MORC1: variants seen among roughly 807,000 people sequenced by gnomAD.
MORC1 encodes the protein MORC family CW-type zinc finger protein 1.
In MORC1, 59 loss-of-function variants were observed where a neutral mutation model predicts 134.9. That is an observed-to-expected ratio of 0.44 (90% CI 0.35 to 0.54). The LOEUF (loss-of-function observed/expected upper bound fraction) is 0.54, where lower values mean the gene tolerates loss of function less well. Among genes scored for constraint, MORC1 ranks in the 20% least tolerant of loss-of-function variants. The probability of loss-of-function intolerance (pLI) is 0.00; values close to 1 mark genes in which losing one functional copy is unlikely to be tolerated. For missense variants in MORC1, 947 were observed against 1,134.5 expected, an observed-to-expected ratio of 0.83 and a Z score of 2.37; for synonymous variants, 395 against 391.7, an observed-to-expected ratio of 1.01 and a Z score of -0.10.
chr3:108,976,696 A>G (rs1189010477), intron 24 of MORC1, among the ~76,000 whole-genome samples: 1 of 152,204 alleles, frequency 6.6e-6, no homozygotes, highest in African/African-American at 2.4e-5. Context: ...TAATCACCAT[A>G]CAAAATTTAA....
chr3:109,094,803 C>A, intron 7 of MORC1, 106 bp downstream of exon 7: 1 of 1,086,018 alleles, frequency 9.2e-7, no homozygotes, highest in Admixed American at 4.0e-5. Flanking sequence ...TGTGAATCCA[C>A]ATGAGATTAT....
At chr3:109,103,777 A>C in intron 4 of MORC1, 72 bp downstream of exon 4, 1 of 1,365,772 alleles carries the variant, frequency 7.3e-7, no homozygotes. Flanking sequence ...TAGATAGCTC[A>C]ATTTATTTAT....
rs146211588 is a variant in MORC1, at chr3:109,073,770, T to C, written c.690-4013A>G. ...CTCTGAAGACTTTTTGAAGTTGAAA[T>C]TAACAGGGTTTGTATTATCTTGAAT... On this transcript the variant is annotated intron_variant, in intron 8 of 27. Coordinates refer to ENST00000232603, the MANE Select transcript of MORC1 (RefSeq NM_014429.4). Among the ~76,000 whole-genome samples the C allele has an allele frequency of 5.1e-3, 780 of 152,320 alleles. 18 individuals carry two copies. Among genetic ancestry groups the C allele is most frequent in the African/African-American group, 0.018 (748 of 41,562 alleles).
At chr3:109,095,188 C>A in intron 6 of MORC1, 120 bp from the exon 7 acceptor site, 1 of 886,574 alleles carries the variant, frequency 1.1e-6, no homozygotes, top group South Asian at 1.8e-5. Context: ...GTTAAAAGTT[C>A]ATTTTCCTCC....
chr3:109,038,661 G>T (rs941232654), intron 14 of MORC1, among the ~76,000 whole-genome samples: 13 of 152,160 alleles, frequency 8.5e-5, no homozygotes, highest in Admixed American at 8.5e-4. Context: ...CATATGGCTA[G>T]CCAGTTTTCC....
At chr3:109,062,158 T>C (rs1950098808) in intron 10 of MORC1, 100 bp from the exon 11 acceptor site, 2 of 1,015,792 alleles carry the variant, frequency 2.0e-6, no homozygotes, top group Admixed American at 3.7e-5. Flanking sequence ...GAAAAAGGCA[T>C]ACAGACCATG....
At chr3:108,984,346 T>C (rs1326920332) in intron 23 of MORC1, among the ~76,000 whole-genome samples, 1 of 152,148 alleles carries the variant, frequency 6.6e-6, no homozygotes, top group African/African-American at 2.4e-5. Context: ...TAATTACATG[T>C]ATGTATGACA....
Position 109,110,760 on chromosome 3 carries a change from T to A in MORC1, c.143A>T (p.Asp48Val), listed in dbSNP as rs1377748177. 1.3e-6 allele frequency: 2 copies of A among 1,587,056 alleles called. No individual in the cohort carries two copies. Among genetic ancestry groups the A allele is most frequent in the Non-Finnish European group, 1.7e-6 (2 of 1,173,376 alleles). The change falls in exon 3 of 28, where the codon GAT becomes GTT. Residue 48 changes from aspartate to valine, a missense_variant. Asp to Val is a radical substitution (Grantham distance 152, BLOSUM62 -3). Coordinates refer to ENST00000232603, the MANE Select transcript of MORC1 (RefSeq NM_014429.4). Reference protein sequence around the residue: ...NARDAGAERLDVFSVDNEKLQ... With the variant: ...NARDAGAERLVVFSVDNEKLQ... ...GCAAATCTGCTCACCTGAAAAGACA[T>A]CAAGTCTTTCAGCCCCTGCATCTCT...
chr3:109,076,694 G>A (rs1950429527), intron 8 of MORC1, among the ~76,000 whole-genome samples: 1 of 152,054 alleles, frequency 6.6e-6, no homozygotes. Flanking sequence ...GGATGAAGCT[G>A]GAAACCATCA....
chr3:109,016,074 T>C (rs1948810418), intron 17 of MORC1, among the ~76,000 whole-genome samples: 1 of 152,204 alleles, frequency 6.6e-6, no homozygotes, highest in Non-Finnish European at 1.5e-5. Flanking sequence ...TTAAATACTT[T>C]TGTGCATGAA....
intron 15 of MORC1, among the ~76,000 whole-genome samples, chr3:109,033,073 C>T (rs970511143): frequency 3.3e-5 from 5 of 151,864 alleles, no homozygotes; most frequent in Non-Finnish European, 7.4e-5. Context: ...TACTTTCAGC[C>T]AAAAGAACCT....
intron 13 of MORC1, among the ~76,000 whole-genome samples, chr3:109,055,487 G>A (rs1399974002): frequency 6.6e-6 from 1 of 152,116 alleles, no homozygotes; most frequent in Admixed American, 6.5e-5. Context: ...TCACAATTTG[G>A]GGTCCCTGCC....
intron 14 of MORC1, among the ~76,000 whole-genome samples, chr3:109,047,094 T>C (rs1441165158): frequency 6.6e-6 from 1 of 152,194 alleles, no homozygotes; most frequent in Admixed American, 6.5e-5. Context: ...AAAGATGCAT[T>C]GTGAGCTGCT....
At chr3:109,072,032 G>C (rs1950330311) in intron 8 of MORC1, among the ~76,000 whole-genome samples, 1 of 152,052 alleles carries the variant, frequency 6.6e-6, no homozygotes, top group Non-Finnish European at 1.5e-5. Flanking sequence ...CTGTTTATTT[G>C]TGACAAAAAG....
At chr3:109,008,528 A>C (rs1435223910) in intron 17 of MORC1, among the ~76,000 whole-genome samples, 1 of 151,684 alleles carries the variant, frequency 6.6e-6, no homozygotes, top group Non-Finnish European at 1.5e-5. Flanking sequence ...AGTAAGTTAA[A>C]GTTTCCTATT....
intron 21 of MORC1, among the ~76,000 whole-genome samples, chr3:108,993,654 G>A (rs1197704601): frequency 1.3e-5 from 2 of 152,168 alleles, no homozygotes; most frequent in Admixed American, 1.3e-4. Context: ...GGCAACTTCA[G>A]TAATCTGAAA....
chr3:108,980,886 C>A (rs2593953), intron 23 of MORC1, among the ~76,000 whole-genome samples: 63,819 of 151,846 alleles, frequency 0.42, 14,109 homozygotes, highest in Middle Eastern at 0.56. Context: ...GAGATGAGAA[C>A]GGTCAGTGTT....
intron 26 of MORC1, among the ~76,000 whole-genome samples, chr3:108,967,435 T>C (rs1271113524): frequency 6.6e-6 from 1 of 152,130 alleles, no homozygotes; most frequent in Non-Finnish European, 1.5e-5. Context: ...GATAAGCTCC[T>C]CAAGCTGACT....
At chr3:109,043,285 T>A (rs956910028) in intron 14 of MORC1, among the ~76,000 whole-genome samples, 1 of 151,842 alleles carries the variant, frequency 6.6e-6, no homozygotes, top group African/African-American at 2.4e-5. Context: ...GAGGACATTA[T>A]GCTAAGTGAA....
Sources: gnomAD v4.1 joint callset for allele counts (sites outside exome capture counted in the v4.1 genomes callset) on GRCh38, gnomAD v4.1.1 for gene constraint, MANE v1.5 for transcripts, NCBI Gene and HGNC (gene_info 2026-07-23, HGNC 2026-07-21) for gene names.